The following GABRG3 variants were observed in gnomAD, a reference collection of about 807,000 sequenced individuals.
GABRG3 encodes the protein gamma-aminobutyric acid type A receptor subunit gamma3, also known as gamma-aminobutyric acid receptor subunit gamma-3.
GABRG3 carries 25 observed loss-of-function variants against 48.8 expected under a neutral mutation model. That is an observed-to-expected ratio of 0.51 (90% CI 0.37 to 0.72). The LOEUF (loss-of-function observed/expected upper bound fraction) is 0.72, where lower values mean the gene tolerates loss of function less well. Ranked by LOEUF, GABRG3 falls within the 30% of genes least tolerant of loss-of-function variation. GABRG3 has a pLI of 0.00. For missense variants in GABRG3, 394 were observed against 577.9 expected (o/e 0.68, Z 3.26); for synonymous variants, 227 against 217.6 (o/e 1.04, Z -0.38).
chr15:27,503,187 A>G (rs1176552635), intron 6 of GABRG3, among the ~76,000 whole-genome samples: 1 of 152,226 alleles, frequency 6.6e-6, no homozygotes, highest in East Asian at 1.9e-4. Context: ...TTATTAGCAC[A>G]CAAAACAGGC....
intron 3 of GABRG3, among the ~76,000 whole-genome samples, chr15:27,205,077 G>A (rs372315399): frequency 2.0e-5 from 3 of 151,702 alleles, no homozygotes; most frequent in South Asian, 4.2e-4. Context: ...CTCTATCTAG[G>A]ACTTCCAGTA....
chr15:27,145,617 C>CTATCTATCTATCATCTATCTATCTATA (rs1898190944), intron 3 of GABRG3, among the ~76,000 whole-genome samples: 1 of 144,624 alleles, frequency 6.9e-6, no homozygotes, highest in African/African-American at 2.6e-5. Flanking sequence ...ATCTATCTAT[C>CTATCTATCTATCATCTATCTATCTATA]TATCTATCTA....
At chr15:27,321,573 T>A (rs1893426969) in intron 3 of GABRG3, among the ~76,000 whole-genome samples, 5 of 152,240 alleles carry the variant, frequency 3.3e-5, no homozygotes, top group Admixed American at 3.3e-4. Flanking sequence ...CTGAACAACC[T>A]TTAATTGGCA....
intron 2 of GABRG3, among the ~76,000 whole-genome samples, chr15:27,015,773 A>G (rs1003967158): frequency 6.6e-6 from 1 of 152,090 alleles, no homozygotes; most frequent in Admixed American, 6.6e-5. Context: ...CCTGGTTACC[A>G]TTACATGAAA....
intron 5 of GABRG3, among the ~76,000 whole-genome samples, chr15:27,406,923 TTTG>T (rs879375896): frequency 1.2e-4 from 19 of 152,168 alleles, no homozygotes; most frequent in African/African-American, 2.9e-4. Flanking sequence ...TTTTTTTCTT[TTTG>T]TTGTTGTTGT....
At chr15:27,037,819 G>A (rs1055885783) in intron 3 of GABRG3, among the ~76,000 whole-genome samples, 1 of 152,172 alleles carries the variant, frequency 6.6e-6, no homozygotes, top group African/African-American at 2.4e-5. Flanking sequence ...AAATGAAGGA[G>A]TCTAGAAAGG....
intron 3 of GABRG3, among the ~76,000 whole-genome samples, chr15:27,316,453 C>G (rs149709325): frequency 6.7e-6 from 1 of 149,536 alleles, no homozygotes; most frequent in East Asian, 2.0e-4. Flanking sequence ...GAAAATGTGT[C>G]TTTCTTGACA....
At chr15:27,316,671 ATGAT>A (rs1290994150) in intron 3 of GABRG3, among the ~76,000 whole-genome samples, 1 of 152,226 alleles carries the variant, frequency 6.6e-6, no homozygotes, top group African/African-American at 2.4e-5. Flanking sequence ...ATTCCCCTGA[ATGAT>A]GAGGAATTTC....
intron 3 of GABRG3, among the ~76,000 whole-genome samples, chr15:27,172,567 G>C (rs1348835044): frequency 6.6e-6 from 1 of 152,058 alleles, no homozygotes; most frequent in Non-Finnish European, 1.5e-5. Flanking sequence ...ACTTCCACTG[G>C]CTGTTCGGCA....
At chr15:27,513,554 C>T (rs1362250079) in intron 6 of GABRG3, among the ~76,000 whole-genome samples, 5 of 151,846 alleles carry the variant, frequency 3.3e-5, no homozygotes, top group South Asian at 2.1e-4. Flanking sequence ...TTAGTAATAC[C>T]GAGGAATGCA....
At chr15:27,455,911 C>T (rs529279502) in intron 5 of GABRG3, among the ~76,000 whole-genome samples, 1 of 152,226 alleles carries the variant, frequency 6.6e-6, no homozygotes, top group Admixed American at 6.5e-5. Flanking sequence ...GGGCTCTGGT[C>T]ACTGTCCCAC....
chr15:27,511,543 A>T (rs1890894899), intron 6 of GABRG3, among the ~76,000 whole-genome samples: 1 of 152,230 alleles, frequency 6.6e-6, no homozygotes, highest in Admixed American at 6.5e-5. Context: ...ATCCACACTG[A>T]TATACTGCTC....
intron 2 of GABRG3, among the ~76,000 whole-genome samples, chr15:27,001,983 A>G (rs1895458070): frequency 6.6e-6 from 1 of 150,620 alleles, no homozygotes; most frequent in African/African-American, 2.5e-5. Context: ...TGTGATAACT[A>G]CTGTATGTGT....
intron 3 of GABRG3, among the ~76,000 whole-genome samples, chr15:27,281,763 A>G (rs1891442020): frequency 1.3e-5 from 2 of 152,000 alleles, no homozygotes; most frequent in Admixed American, 6.5e-5. Flanking sequence ...CAATATTATA[A>G]TTTTTAATAA....
chr15:27,417,052 G>T (rs1887959769), intron 5 of GABRG3, among the ~76,000 whole-genome samples: 1 of 152,168 alleles, frequency 6.6e-6, no homozygotes, highest in Non-Finnish European at 1.5e-5. Flanking sequence ...TTCTTAGCTG[G>T]AGGTGATATT....
chr15:27,386,188 G>A (rs1895915743), intron 5 of GABRG3, among the ~76,000 whole-genome samples: 1 of 152,090 alleles, frequency 6.6e-6, no homozygotes, highest in African/African-American at 2.4e-5. Context: ...CAGTGGATCA[G>A]CACACTTTAC....
At position 27,471,904 on chromosome 15, in the gene GABRG3, C is replaced by T. The variant is rs1272924820; in HGVS notation, c.575-8746C>T. 4.6e-5 allele frequency among the ~76,000 whole-genome samples: 7 copies of T among 152,296 alleles called. No individual in the cohort carries two copies. The South Asian group carries it at 6.2e-4, about 14-fold the overall frequency. On this transcript the variant is annotated intron_variant, in intron 5 of 9. Transcript: ENST00000615808. ...AATAACCTATGAAAAGCTAGCCCCA[C>T]TCACTGTACTTCTCCTGGCCATTCT...
At chr15:27,418,394 C>T (rs912781416) in intron 5 of GABRG3, among the ~76,000 whole-genome samples, 1 of 152,226 alleles carries the variant, frequency 6.6e-6, no homozygotes, top group Non-Finnish European at 1.5e-5. Context: ...GCCACCCAGA[C>T]TCTTCCTTGA....
chr15:27,180,149 G>A lies in GABRG3; in HGVS notation c.271-146660G>A, dbSNP rs1252220041. Among the ~76,000 whole-genome samples the A allele has an allele frequency of 6.6e-6, 1 of 152,140 alleles. No individual in the cohort carries two copies. Among genetic ancestry groups the A allele is most frequent in the Non-Finnish European group, 1.5e-5 (1 of 68,032 alleles). ...CAGAGCTCACAAAGAAGTTGTCCAG[G>A]CCCGGGGGGTGAGATACATAAATTG... On this transcript the variant is annotated intron_variant, in intron 3 of 9. Coordinates refer to ENST00000615808, the MANE Select transcript of GABRG3 (RefSeq NM_033223.5). The surrounding 1 kb of genome is among the most constrained non-coding windows in gnomAD (Gnocchi z 4.2).
Sources: allele counts gnomAD v4.1 joint callset (sites outside exome capture counted in the v4.1 genomes callset), GRCh38; gene constraint gnomAD v4.1.1; non-coding constraint Gnocchi (gnomAD v3.1); transcripts MANE v1.5; gene names NCBI Gene and HGNC (gene_info 2026-07-23, HGNC 2026-07-21).